IL17RC: variants seen among roughly 807,000 people sequenced by gnomAD.
IL17RC encodes the protein interleukin-17 receptor C.
A neutral mutation model predicts 86.7 loss-of-function variants in IL17RC; 53 were observed. That is an observed-to-expected ratio of 0.61 (90% CI 0.49 to 0.77). The LOEUF (loss-of-function observed/expected upper bound fraction) is 0.77, where lower values mean the gene tolerates loss of function less well. IL17RC is among the 30% of genes least tolerant of loss of function. The probability of loss-of-function intolerance (pLI) is 0.00; values close to 1 mark genes in which losing one functional copy is unlikely to be tolerated. For missense variants in IL17RC, 957 were observed against 940.0 expected, an observed-to-expected ratio of 1.02 and a Z score of -0.24; for synonymous variants, 439 against 413.1, an observed-to-expected ratio of 1.06 and a Z score of -0.76.
chr3:9,923,477 C>G (rs1437603273), intron 7 of IL17RC, among the ~76,000 whole-genome samples: 2 of 151,194 alleles, frequency 1.3e-5, no homozygotes, highest in Non-Finnish European at 2.9e-5. Context: ...CGCTTGAACC[C>G]AGGAGGTGGA....
At chr3:9,926,388 T>G (rs1292979150) in intron 9 of IL17RC, among the ~76,000 whole-genome samples, 1 of 152,164 alleles carries the variant, frequency 6.6e-6, no homozygotes, top group African/African-American at 2.4e-5. Context: ...CTCAATCACT[T>G]ACTTTCTTAT....
Position 9,920,595 on chromosome 3 carries a change from G to C in IL17RC, c.570G>C (p.Gln190His). 6.3e-7 allele frequency: 1 copy of C among 1,598,946 alleles called. No individual in the cohort carries two copies. Residue 190 changes from glutamine (Q) to histidine (H), a missense_variant, in exon 6 of 19, where the codon CAG (glutamine) becomes CAC (histidine). Transcript: ENST00000403601. ...RYEKELNHTQQLPDCRGLEVW... is the reference protein window; with the variant it reads ...RYEKELNHTQHLPDCRGLEVW... ...AGAAGGAACTCAACCACACACAGCAGCTGCCTGGTAAGTGGACCCCCAAGT... is the reference window on the plus strand; with the variant it reads ...AGAAGGAACTCAACCACACACAGCACCTGCCTGGTAAGTGGACCCCCAAGT...
chr3:9,931,861 C>G (rs530186750), intron 16 of IL17RC, among the ~76,000 whole-genome samples: 1 of 126,784 alleles, frequency 7.9e-6, no homozygotes, highest in East Asian at 2.2e-4. Context: ...CAAGGCAAAT[C>G]AATTGGAGGT....
chr3:9,932,346 C>G (rs372542951), intron 16 of IL17RC, among the ~76,000 whole-genome samples: 11 of 150,842 alleles, frequency 7.3e-5, no homozygotes, highest in African/African-American at 2.7e-4. Context: ...CTTGCCTCAG[C>G]CTCCCGAGTA....
rs766509887 is a variant in IL17RC at position 9,924,154 on chromosome 3, C to T, written c.763-78C>T. On this transcript the variant is annotated intron_variant, in intron 8 of 18. Transcript: ENST00000403601. ...GGAAAATTGGTGGGGGAACTTCTGCCTTCCTGGTTTCCTTGACTTTGGCCT... is the reference window on the plus strand; with the variant it reads ...GGAAAATTGGTGGGGGAACTTCTGCTTTCCTGGTTTCCTTGACTTTGGCCT... 34 of 1,608,496 alleles carry T rather than the reference C, an allele frequency of 2.1e-5. No individual in the cohort carries two copies. The Admixed American group carries it at 5.6e-4, about 26-fold the overall frequency.
At position 9,926,911 on chromosome 3, in the gene IL17RC, C is replaced by T. The variant is rs528501824; in HGVS notation, c.823-1255C>T. 1.6e-4 allele frequency among the ~76,000 whole-genome samples: 24 copies of T among 152,132 alleles called. No individual in the cohort carries two copies. The East Asian group carries it at 3.3e-3, about 21-fold the overall frequency. On this transcript the variant is annotated intron_variant, in intron 9 of 18. Transcript: ENST00000403601. ...CTGGGATTACAGGGGTGAGCCACCG[C>T]GCCCAGCCTTGTTTTGTTTTTAAAC...
chr3:9,917,121 A>G lies in IL17RC; in HGVS notation c.-195A>G, dbSNP rs1435094782. On this transcript the variant is annotated 5_prime_UTR_variant, in exon 1 of 19. Coordinates refer to ENST00000403601, the MANE Select transcript of IL17RC (RefSeq NM_153460.4). ...CCAAAACGAAAGCACTCCGTGCTGG[A>G]AGTAGGAGGAGAGTCAGGACTCCCA... is the stretch of plus-strand genomic sequence containing the variant. 9 of 585,102 alleles carry G rather than the reference A, an allele frequency of 1.5e-5. No individual in the cohort carries two copies. Among genetic ancestry groups the G allele is most frequent in the Non-Finnish European group, 2.1e-5 (7 of 328,928 alleles). 36.2% of individuals were successfully genotyped at this position (585,102 alleles called of 1,614,324 possible).
chr3:9,932,373 T>C (rs1395157134), intron 16 of IL17RC, among the ~76,000 whole-genome samples: 63 of 145,722 alleles, frequency 4.3e-4, no homozygotes, highest in African/African-American at 1.8e-3. Context: ...ATTACAGGCG[T>C]GTGCCACCAC....
At chr3:9,919,020 T>G (rs912886405) in intron 5 of IL17RC, 1 of 153,656 alleles carries the variant, frequency 6.5e-6, no homozygotes, top group African/African-American at 2.4e-5. Context: ...GTAATTTTAT[T>G]TTATTTTTAA....
Position 9,932,849 on chromosome 3 carries a change from C to T in IL17RC, c.1513C>T (p.Arg505Cys). Residue 505 changes from arginine to cysteine, a missense_variant, in exon 18 of 19, where the codon CGC becomes TGC. Transcript: ENST00000403601. ...GWLRLLKQDV[R>C]SGAAARGRAA... Reference sequence around the variant, plus strand: ...GCTGAGGCTCTTGAAACAGGACGTCCGCTCGGGGGGTGAGTGGGAGCAAGC... The same window carrying T: ...GCTGAGGCTCTTGAAACAGGACGTCTGCTCGGGGGGTGAGTGGGAGCAAGC... 1.3e-6 allele frequency: 2 copies of T among 1,565,688 alleles called. No homozygotes were observed. The highest frequency in any genetic ancestry group is 1.7e-6 in the Non-Finnish European group (2 of 1,160,900).
At chr3:9,931,705 C>A (rs1461697074) in intron 16 of IL17RC, among the ~76,000 whole-genome samples, 1 of 151,622 alleles carries the variant, frequency 6.6e-6, no homozygotes, top group African/African-American at 2.4e-5. Context: ...TGGGGTTTCA[C>A]CATCTTGGCC....
chr3:9,918,894 A>G (rs6769661), intron 5 of IL17RC, among the ~76,000 whole-genome samples: 5,845 of 152,242 alleles, frequency 0.038, 371 homozygotes, highest in African/African-American at 0.13. Flanking sequence ...TCTACTTCAT[A>G]TGCTTGACTG....
In IL17RC at chr3:9,918,494, C is replaced by T. The variant is rs2083291280; in HGVS notation, c.356-6C>T. ...GCCTGACTGACCCCTGCCCTGTTGCCCACAGCCTCTCTCCAGGCCCAAGTC... is the reference window on the plus strand; with the variant it reads ...GCCTGACTGACCCCTGCCCTGTTGCTCACAGCCTCTCTCCAGGCCCAAGTC... On this transcript the variant is annotated splice_region_variant and splice_polypyrimidine_tract_variant and intron_variant, in intron 4 of 18. Coordinates refer to ENST00000403601, the MANE Select transcript of IL17RC (RefSeq NM_153460.4). 1 of 1,613,446 alleles carries T rather than the reference C, an allele frequency of 6.2e-7. No individual in the cohort carries two copies. Among genetic ancestry groups the T allele is most frequent in the African/African-American group, 1.3e-5 (1 of 75,034 alleles).
At chr3:9,919,802 C>T (rs1186454068) in intron 5 of IL17RC, among the ~76,000 whole-genome samples, 1 of 151,940 alleles carries the variant, frequency 6.6e-6, no homozygotes, top group African/African-American at 2.4e-5. Context: ...TTATTAGTAT[C>T]CTCATTTTCC....
Position 9,928,341 on chromosome 3 carries a change from G to A in IL17RC, c.914G>A (p.Arg305Gln), listed in dbSNP as rs201197838. The A allele has an allele frequency of 2.6e-5, 42 of 1,604,182 alleles. No homozygotes were observed. Among genetic ancestry groups the A allele is most frequent in the Admixed American group, 5.1e-5 (3 of 59,332 alleles). ...RAHQNLWQAA[R>Q]LQLLTLQSWL... is the part of the protein sequence containing the mutation. Reference sequence around the variant, plus strand: ...CACCAGAACCTCTGGCAAGCCGCCCGACTGCAACTGCTGACCCTGCAGAGC... The same window carrying A: ...CACCAGAACCTCTGGCAAGCCGCCCAACTGCAACTGCTGACCCTGCAGAGC... Residue 305 changes from arginine (R) to glutamine (Q), a missense_variant, in exon 11 of 19, where the codon CGA becomes CAA. Transcript: ENST00000403601.
chr3:9,932,674 T>C lies in IL17RC; in HGVS notation c.1454T>C (p.Ile485Thr), dbSNP rs2084858465. Residue 485 changes from isoleucine to threonine, a missense_variant, in exon 17 of 19, where the codon ATC becomes ACC. Ile to Thr is a moderately conservative substitution (Grantham distance 89, BLOSUM62 -1). Coordinates refer to ENST00000403601, the MANE Select transcript of IL17RC (RefSeq NM_153460.4). ...CLLFAAALSL[I>T]LLLKKDHAKG... is the part of the protein sequence containing the mutation. ...CTCTTTGCCGCTGCGCTTTCCCTCATCCTCCTTCTCAAAAAGGATCACGCG... is the reference window on the plus strand; with the variant it reads ...CTCTTTGCCGCTGCGCTTTCCCTCACCCTCCTTCTCAAAAAGGATCACGCG... The C allele has an allele frequency of 6.2e-7, 1 of 1,613,946 alleles. No individual in the cohort carries two copies. Among genetic ancestry groups the C allele is most frequent in the African/African-American group, 1.3e-5 (1 of 74,868 alleles).
At chr3:9,931,470 C>CATATATATATATATATATAT (rs1553593529) in intron 16 of IL17RC, among the ~76,000 whole-genome samples, 14 of 43,708 alleles carry the variant, frequency 3.2e-4, no homozygotes, top group Admixed American at 1.2e-3. Flanking sequence ...CACACACACA[C>CATATATATATATATATATAT]ATATATATAT....
At chr3:9,923,503 T>C (rs187987605) in intron 7 of IL17RC, among the ~76,000 whole-genome samples, 147 of 150,994 alleles carry the variant, frequency 9.7e-4, no homozygotes, top group Middle Eastern at 3.4e-3. Context: ...CAGTGAGCTA[T>C]CGTGCCAATG....
chr3:9,918,462 C>T (rs765697982), intron 4 of IL17RC, 38 bp from the exon 5 acceptor site: 1 of 1,609,442 alleles, frequency 6.2e-7, no homozygotes, highest in South Asian at 1.1e-5. Context: ...TGGCCTGCCG[C>T]TCCTGGGCCT....
Sources: allele counts gnomAD v4.1 joint callset (sites outside exome capture counted in the v4.1 genomes callset), GRCh38; gene constraint gnomAD v4.1.1; transcripts MANE v1.5; gene names NCBI Gene and HGNC (gene_info 2026-07-23, HGNC 2026-07-21).